Variants in GSDMC observed in about 807,000 individuals in gnomAD.
The protein encoded by GSDMC is gasdermin-C.
GSDMC carries 59 observed loss-of-function variants against 58.0 expected under a neutral mutation model. That is an observed-to-expected ratio of 1.02 (90% CI 0.82 to 1.26). The LOEUF (loss-of-function observed/expected upper bound fraction) is 1.26. Among genes scored for constraint, GSDMC ranks in the 50% most tolerant of loss-of-function variants. The probability of loss-of-function intolerance (pLI) is 0.00; values close to 1 mark genes in which losing one functional copy is unlikely to be tolerated. For missense variants in GSDMC, 659 were observed against 598.5 expected (o/e 1.10, Z -1.06); for synonymous variants, 241 against 220.2 (o/e 1.09, Z -0.83).
the GSDMC span, among the ~76,000 whole-genome samples, chr8:129,734,785 A>C: frequency 6.6e-6 from 1 of 152,194 alleles, no homozygotes; most frequent in South Asian, 2.1e-4. Context: ...TAACATCATA[A>C]TGACAGGATC....
chr8:129,719,771 C>G, the GSDMC span, among the ~76,000 whole-genome samples: 1 of 151,988 alleles, frequency 6.6e-6, no homozygotes, highest in Non-Finnish European at 1.5e-5. Context: ...ATGGTGAAAC[C>G]CCGTCTCTAC....
At chr8:129,730,837 A>G in the GSDMC span, among the ~76,000 whole-genome samples, 1 of 152,178 alleles carries the variant, frequency 6.6e-6, no homozygotes, top group African/African-American at 2.4e-5. Flanking sequence ...CAGGCCGATA[A>G]ACCCATCATA....
intron 3 of GSDMC, among the ~76,000 whole-genome samples, chr8:129,767,676 C>T (rs1479933610): frequency 6.6e-6 from 1 of 152,148 alleles, no homozygotes; most frequent in Non-Finnish European, 1.5e-5. Flanking sequence ...ACACACAGTT[C>T]AGCCTGTGTC....
rs766839217 is a variant in GSDMC at position 129,748,462 on chromosome 8, G to C, written c.*39C>G. ...GACACTCACAGCATAGACTGGGCGA[G>C]GGCCAGCATCTCTGGACTGACTGCC... is the stretch of plus-strand genomic sequence containing the variant. On this transcript the variant is annotated 3_prime_UTR_variant, in exon 14 of 14. Coordinates refer to ENST00000276708, the MANE Select transcript of GSDMC (RefSeq NM_031415.3). 6.4e-7 allele frequency: 1 copy of C among 1,560,626 alleles called. No homozygotes were observed. Among genetic ancestry groups the C allele is most frequent in the African/African-American group, 1.4e-5 (1 of 73,210 alleles).
At chr8:129,730,279 C>T in the GSDMC span, 1 of 1,366,680 alleles carries the variant, frequency 7.3e-7, no homozygotes, top group Non-Finnish European at 1.0e-6. Flanking sequence ...AAAATAAGAA[C>T]ATATAATTTT....
chr8:129,714,107 A>C, the GSDMC span, among the ~76,000 whole-genome samples: 1 of 152,216 alleles, frequency 6.6e-6, no homozygotes, highest in South Asian at 2.1e-4. Flanking sequence ...AGCCTAAAGC[A>C]ATTGGCAACA....
chr8:129,776,624 G>C (rs1473430690), intron 2 of GSDMC, among the ~76,000 whole-genome samples: 1 of 152,234 alleles, frequency 6.6e-6, no homozygotes, highest in South Asian at 2.1e-4. Flanking sequence ...CCCAGCAGCA[G>C]AGGGCAGCAC....
chr8:129,744,868 T>C (rs1056353289), downstream of GSDMC, among the ~76,000 whole-genome samples: 1 of 152,216 alleles, frequency 6.6e-6, no homozygotes, highest in African/African-American at 2.4e-5. Context: ...AACAATGCTA[T>C]CATACTGGTA....
the GSDMC span, among the ~76,000 whole-genome samples, chr8:129,722,401 C>G: frequency 6.6e-6 from 1 of 152,158 alleles, no homozygotes; most frequent in African/African-American, 2.4e-5. Flanking sequence ...ATAAACAAGT[C>G]TGTTACATAA....
At chr8:129,780,829 A>G (rs2034384061) in intron 1 of GSDMC, among the ~76,000 whole-genome samples, 1 of 152,212 alleles carries the variant, frequency 6.6e-6, no homozygotes, top group Non-Finnish European at 1.5e-5. Context: ...AAAAGCAACT[A>G]CAACTTTCAA....
At chr8:129,752,613 C>T in intron 7 of GSDMC, 85 bp downstream of exon 7, 5 of 1,547,542 alleles carry the variant, frequency 3.2e-6, no homozygotes, top group South Asian at 2.4e-5. Context: ...TTCATACACC[C>T]CACATAAACA....
chr8:129,753,766 A>G (rs778639345), intron 6 of GSDMC, among the ~76,000 whole-genome samples: 39 of 152,142 alleles, frequency 2.6e-4, no homozygotes, highest in Non-Finnish European at 4.4e-4. Flanking sequence ...AGGAGAGCCC[A>G]CTTCCCTAAA....
At chr8:129,735,761 C>T in the GSDMC span, among the ~76,000 whole-genome samples, 1 of 151,820 alleles carries the variant, frequency 6.6e-6, no homozygotes, top group Non-Finnish European at 1.5e-5. Flanking sequence ...AGAAGCAAGG[C>T]CAAACAAATT....
At chr8:129,746,289 G>T (rs2032959813), downstream of GSDMC, among the ~76,000 whole-genome samples, 1 of 152,202 alleles carries the variant, frequency 6.6e-6, no homozygotes, top group South Asian at 2.1e-4. Flanking sequence ...AGACTGTAAA[G>T]CTAAGGAAAA....
chr8:129,741,941 T>TATATATATATATA, the GSDMC span, among the ~76,000 whole-genome samples: 1 of 147,020 alleles, frequency 6.8e-6, no homozygotes, highest in Admixed American at 6.8e-5. Flanking sequence ...TATATATACA[T>TATATATATATATA]GAAATAATAT....
chr8:129,766,453 G>A (rs143157040), intron 3 of GSDMC, among the ~76,000 whole-genome samples: 171 of 152,310 alleles, frequency 1.1e-3, no homozygotes, highest in Middle Eastern at 3.4e-3. Context: ...CTAGATAACA[G>A]TCATGTGGAA....
the GSDMC span, among the ~76,000 whole-genome samples, chr8:129,721,595 C>T: frequency 2.4e-3 from 301 of 123,366 alleles, 1 homozygote; most frequent in African/African-American, 0.013. Flanking sequence ...AATTACCTCT[C>T]ATAAAGATAA....
chr8:129,752,959 A>G (rs897061239), intron 6 of GSDMC, 139 bp from the exon 7 acceptor site: 5 of 1,399,808 alleles, frequency 3.6e-6, no homozygotes, highest in Non-Finnish European at 4.8e-6. Context: ...GACCCACTCA[A>G]AGAGGAATTG....
At chr8:129,777,688 A>T (rs1445176820) in intron 1 of GSDMC, 97 bp from the exon 2 acceptor site, 1 of 714,516 alleles carries the variant, frequency 1.4e-6, no homozygotes, top group Non-Finnish European at 2.5e-6. Context: ...AAAGATCTAC[A>T]TATGAGATTA....
Sources: allele counts gnomAD v4.1 joint callset (sites outside exome capture counted in the v4.1 genomes callset), GRCh38; gene constraint gnomAD v4.1.1; transcripts MANE v1.5; gene names NCBI Gene and HGNC (gene_info 2026-07-23, HGNC 2026-07-21).